WWOX: variants seen among roughly 807,000 people sequenced by gnomAD.
The protein encoded by WWOX is WW domain containing oxidoreductase.
WWOX carries 69 observed loss-of-function variants against 46.2 expected under a neutral mutation model. The ratio of observed to expected loss-of-function variants is 1.49; its 90% confidence interval spans 1.23 to 1.82. The LOEUF is 1.82. WWOX is among the 40% of genes most tolerant of loss of function. The pLI, the probability that WWOX is intolerant of heterozygous loss-of-function variation, is 0.00. For synonymous variants in WWOX, 359 were observed against 202.6 expected (o/e 1.77, Z -6.56); for missense variants, 919 against 542.6 (o/e 1.69, Z -6.89).
At chr16:79,211,524 G>C (rs2150866871) in intron 8 of WWOX, 84 bp from the exon 9 acceptor site, 2 of 1,581,706 alleles carry the variant, frequency 1.3e-6, no homozygotes, top group Middle Eastern at 2.1e-4. Flanking sequence ...GGGGAGGCCT[G>C]CTAATGCCCA....
intron 8 of WWOX, among the ~76,000 whole-genome samples, chr16:78,697,442 G>C (rs932824294): frequency 6.6e-6 from 1 of 152,180 alleles, no homozygotes; most frequent in Non-Finnish European, 1.5e-5. Flanking sequence ...CCCAGCAAAA[G>C]GAACAGTCAG....
intron 8 of WWOX, among the ~76,000 whole-genome samples, chr16:78,980,302 A>G (rs1567456593): frequency 6.6e-6 from 1 of 152,220 alleles, no homozygotes; most frequent in Non-Finnish European, 1.5e-5. Flanking sequence ...TTTGCCAAAG[A>G]TGGCTCTTTG....
Position 78,887,766 on chromosome 16 carries a change from G to A in WWOX, c.1057-323842G>A, listed in dbSNP as rs73579393. On this transcript the variant is annotated intron_variant, in intron 8 of 8. Coordinates refer to ENST00000566780, the MANE Select transcript of WWOX (RefSeq NM_016373.4). ...AAATCAAAATTCCCATTTGCCTTTC[G>A]GGATGTTGAATTTTCTCCACATTTG... is the stretch of plus-strand genomic sequence containing the variant. 4.4e-3 allele frequency among the ~76,000 whole-genome samples: 677 copies of A among 152,212 alleles called. 7 individuals are homozygous for A. Among genetic ancestry groups the A allele is most frequent in the African/African-American group, 0.016 (647 of 41,534 alleles).
chr16:79,169,102 C>A (rs1413946628), intron 8 of WWOX, among the ~76,000 whole-genome samples: 1 of 152,114 alleles, frequency 6.6e-6, no homozygotes, highest in Non-Finnish European at 1.5e-5. Context: ...CCCACTTAAT[C>A]CTCCACTTCA....
intron 8 of WWOX, among the ~76,000 whole-genome samples, chr16:78,859,050 G>GTATATATATATATATATATATGTATA: frequency 2.4e-5 from 1 of 40,842 alleles, no homozygotes; most frequent in East Asian, 6.0e-4. Flanking sequence ...ATATATATAT[G>GTATATATATATATATATATATGTATA]TATATATATA....
intron 8 of WWOX, among the ~76,000 whole-genome samples, chr16:78,556,775 G>C (rs189624805): frequency 1.3e-5 from 2 of 152,054 alleles, no homozygotes; most frequent in South Asian, 4.2e-4. Flanking sequence ...GAGTGAAGTG[G>C]CATGATCTCG....
intron 8 of WWOX, among the ~76,000 whole-genome samples, chr16:79,146,421 T>C (rs1388149077): frequency 6.6e-6 from 1 of 152,158 alleles, no homozygotes; most frequent in Non-Finnish European, 1.5e-5. Context: ...CCTGTGTTGC[T>C]GCATCCGATC....
chr16:78,489,713 A>T (rs186870480), intron 8 of WWOX, among the ~76,000 whole-genome samples: 75 of 152,232 alleles, frequency 4.9e-4, no homozygotes, highest in Non-Finnish European at 8.5e-4. Context: ...CCCTGGCATG[A>T]TGGCAAGATG....
At chr16:78,341,392 GA>G (rs2081011578) in intron 5 of WWOX, among the ~76,000 whole-genome samples, 1 of 120,688 alleles carries the variant, frequency 8.3e-6, no homozygotes, top group South Asian at 2.5e-4. Context: ...TGTGATTTGG[GA>G]TGAAAATTTT....
intron 8 of WWOX, among the ~76,000 whole-genome samples, chr16:79,189,796 G>A (rs1349150131): frequency 6.6e-6 from 1 of 151,658 alleles, no homozygotes; most frequent in African/African-American, 2.4e-5. Context: ...TGCTCCCGGT[G>A]GGAGGGGGGG....
chr16:78,552,589 C>A (rs1413838020), intron 8 of WWOX: 2 of 152,152 alleles, frequency 1.3e-5, no homozygotes, highest in African/African-American at 4.8e-5. Context: ...CAGATTTCCG[C>A]ATTCAGAACG....
At chr16:78,132,134 C>G (rs1292046210) in intron 4 of WWOX, among the ~76,000 whole-genome samples, 1 of 151,224 alleles carries the variant, frequency 6.6e-6, no homozygotes, top group Non-Finnish European at 1.5e-5. Flanking sequence ...ACGCCATTCT[C>G]CTGCCTCAGC....
At chr16:78,398,738 C>A (rs947620133) in intron 6 of WWOX, among the ~76,000 whole-genome samples, 4 of 152,180 alleles carry the variant, frequency 2.6e-5, no homozygotes, top group African/African-American at 9.7e-5. Flanking sequence ...ATTCCTTAAT[C>A]TTTCTAATTC....
At chr16:78,873,679 A>C (rs541448856) in intron 8 of WWOX, among the ~76,000 whole-genome samples, 6 of 152,288 alleles carry the variant, frequency 3.9e-5, no homozygotes, top group African/African-American at 1.2e-4. Flanking sequence ...CATCCCAGCT[A>C]CTTGGGAGAC....
chr16:78,484,770 G>A (rs1032294413), intron 8 of WWOX, among the ~76,000 whole-genome samples: 2 of 152,142 alleles, frequency 1.3e-5, no homozygotes, highest in Non-Finnish European at 1.5e-5. Context: ...CAGCCTGAAA[G>A]AAGTGATTGA....
At chr16:78,113,249 C>G (rs1173750994) in intron 3 of WWOX, among the ~76,000 whole-genome samples, 5 of 152,320 alleles carry the variant, frequency 3.3e-5, no homozygotes, top group South Asian at 4.1e-4. Context: ...AATCTGCGCT[C>G]TAATAGTCAT....
At chr16:78,248,896 C>T (rs1370499977) in intron 5 of WWOX, among the ~76,000 whole-genome samples, 1 of 118,384 alleles carries the variant, frequency 8.4e-6, no homozygotes, top group Non-Finnish European at 1.7e-5. Flanking sequence ...GAGGCAGAGT[C>T]TTGCTCCATC....
chr16:78,400,317 C>A (rs144134282), intron 6 of WWOX, among the ~76,000 whole-genome samples: 1,551 of 152,248 alleles, frequency 0.01, 16 homozygotes, highest in Middle Eastern at 0.058. Context: ...TAATGGAATG[C>A]ACCAGGCTAA....
At chr16:79,123,673 C>G (rs764734509) in intron 8 of WWOX, among the ~76,000 whole-genome samples, 2 of 152,106 alleles carry the variant, frequency 1.3e-5, no homozygotes, top group South Asian at 2.1e-4. Context: ...TCACCCACAG[C>G]CAATTGCAAT....
Sources: allele counts gnomAD v4.1 joint callset (sites outside exome capture counted in the v4.1 genomes callset), GRCh38; gene constraint gnomAD v4.1.1; transcripts MANE v1.5; gene names NCBI Gene and HGNC (gene_info 2026-07-23, HGNC 2026-07-21).